The following ERCC6L2 variants were observed in gnomAD, a reference collection of about 807,000 sequenced individuals.
ERCC6L2 encodes the protein ERCC excision repair 6 like 2, also known as DNA excision repair protein ERCC-6-like 2.
ERCC6L2 carries 77 observed loss-of-function variants against 132.0 expected under a neutral mutation model. The observed-to-expected ratio is 0.58, with a 90% confidence interval of 0.49 to 0.71. The LOEUF (loss-of-function observed/expected upper bound fraction) is 0.71, where lower values mean the gene tolerates loss of function less well. Among genes scored for constraint, ERCC6L2 ranks in the 30% least tolerant of loss-of-function variants. The probability of loss-of-function intolerance (pLI) is 0.00; values close to 1 mark genes in which losing one functional copy is unlikely to be tolerated. For synonymous variants in ERCC6L2, 583 were observed against 632.4 expected (o/e 0.92, Z 1.17); for missense variants, 1,542 against 1,837.6 (o/e 0.84, Z 2.94).
chr9:96,034,308 G>A (rs367988314), intron 19 of ERCC6L2, among the ~76,000 whole-genome samples: 1 of 152,178 alleles, frequency 6.6e-6, no homozygotes, highest in Non-Finnish European at 1.5e-5. Flanking sequence ...TGTGGATGTC[G>A]GAGGAAACTG....
At chr9:95,905,637 G>A (rs1440241033) in intron 3 of ERCC6L2, among the ~76,000 whole-genome samples, 4 of 152,134 alleles carry the variant, frequency 2.6e-5, no homozygotes, top group African/African-American at 7.2e-5. Context: ...CCCAAAGGAC[G>A]GACATACTTG....
intron 19 of ERCC6L2, among the ~76,000 whole-genome samples, chr9:96,030,559 G>T (rs767697221): frequency 6.6e-6 from 1 of 152,002 alleles, no homozygotes; most frequent in Non-Finnish European, 1.5e-5. Flanking sequence ...AAAATTAGCC[G>T]GGCGTGGTGG....
At chr9:95,997,303 TA>T (rs1315360999) in intron 17 of ERCC6L2, among the ~76,000 whole-genome samples, 2 of 152,202 alleles carry the variant, frequency 1.3e-5, no homozygotes, top group African/African-American at 2.4e-5. Flanking sequence ...TTCAAGACTT[TA>T]GTGGGGGAAC....
chr9:95,928,351 GAT>G (rs577678202), intron 10 of ERCC6L2: 8 of 447,718 alleles, frequency 1.8e-5, no homozygotes, highest in Non-Finnish European at 3.1e-5. Flanking sequence ...CAAACTCAAA[GAT>G]AGATTTTTAT....
At chr9:95,947,779 T>C (rs1331662607) in intron 12 of ERCC6L2, among the ~76,000 whole-genome samples, 1 of 152,232 alleles carries the variant, frequency 6.6e-6, no homozygotes, top group Non-Finnish European at 1.5e-5. Flanking sequence ...CTACTCTGCC[T>C]GTGCTTTGTA....
rs139286981 is a variant in ERCC6L2, at chr9:95,876,059, G to T, written c.21G>T (p.Gln7His). ...GCCGGATGGATCCGTCGGCGCCACA[G>T]CCCCGCGCGGAAACCTCAGGCAAAG... MDPSAP[Q>H]PRAETSGKDI... is the part of the protein sequence containing the mutation. The change falls in exon 1 of 19, where the codon CAG becomes CAT. Residue 7 changes from glutamine to histidine, a missense_variant. This residue lies in a region of ERCC6L2 where 153 missense variants were observed against 132.3 expected (regional missense o/e 1.16). Coordinates refer to ENST00000653738, the MANE Select transcript of ERCC6L2 (RefSeq NM_020207.7). 1 of 1,585,052 alleles carries T rather than the reference G, an allele frequency of 6.3e-7. No homozygotes were observed. Among genetic ancestry groups the T allele is most frequent in the South Asian group, 1.2e-5 (1 of 86,864 alleles).
At chr9:95,952,925 T>G in intron 12 of ERCC6L2, among the ~76,000 whole-genome samples, 1 of 152,172 alleles carries the variant, frequency 6.6e-6, no homozygotes, top group East Asian at 1.9e-4. Flanking sequence ...GTGTCATGAT[T>G]GAATTGTTTT....
In ERCC6L2 at chr9:95,899,631, T is replaced by C. The variant is rs748037349; in HGVS notation, c.594+1660T>C. Among the ~76,000 whole-genome samples, 376 of 134,514 alleles carry C rather than the reference T, an allele frequency of 2.8e-3. 1 individual carries two copies. The highest frequency in any genetic ancestry group is 8.1e-3 in the South Asian group (34 of 4,222). 88.2% of individuals were successfully genotyped at this position (134,514 alleles called of 152,430 possible). On this transcript the variant is annotated intron_variant, in intron 3 of 18. Transcript: ENST00000653738. ...GTGTGTGTGTGTGTGTGTGTGTGTG[T>C]GCGTATGTATGCATATGCGATGTAT...
At chr9:95,901,258 G>T (rs1454248435) in intron 3 of ERCC6L2, among the ~76,000 whole-genome samples, 8 of 151,394 alleles carry the variant, frequency 5.3e-5, no homozygotes. Context: ...TTTTTTCCTT[G>T]GAAAGGATTT....
Position 95,978,212 on chromosome 9 carries a change from T to G in ERCC6L2, c.3489T>G (p.Ser1163=). Reference sequence around the variant, plus strand: ...CTGCTAACATAGCTGTTTGCAGTTCTAAGGTAAGAAAAATATAGGGTAGTA... The same window carrying G: ...CTGCTAACATAGCTGTTTGCAGTTCGAAGGTAAGAAAAATATAGGGTAGTA... ...QLPANIAVCS[S]KTYKEKVDAD... The change falls in exon 17 of 19, where the codon TCT becomes TCG. Residue 1163 remains serine (S), a synonymous_variant. Coordinates refer to ENST00000653738, the MANE Select transcript of ERCC6L2 (RefSeq NM_020207.7). 2.9e-6 allele frequency: 4 copies of G among 1,362,236 alleles called. No homozygotes were observed. Among genetic ancestry groups the G allele is most frequent in the Middle Eastern group, 2.1e-4 (1 of 4,742 alleles). 84.4% of individuals were successfully genotyped at this position (1,362,236 alleles called of 1,614,324 possible).
chr9:96,030,337 C>T (rs1016063092), intron 19 of ERCC6L2, among the ~76,000 whole-genome samples: 3 of 152,130 alleles, frequency 2.0e-5, no homozygotes, highest in Non-Finnish European at 2.9e-5. Context: ...GGGTTCCCTT[C>T]CATGCTGTGG....
intron 2 of ERCC6L2, among the ~76,000 whole-genome samples, chr9:95,891,333 A>C (rs1481150718): frequency 6.6e-6 from 1 of 152,188 alleles, no homozygotes; most frequent in Non-Finnish European, 1.5e-5. Context: ...TAATACACAA[A>C]CGCATTCTTA....
At chr9:96,005,184 G>A (rs1432676486) in intron 18 of ERCC6L2, among the ~76,000 whole-genome samples, 2 of 152,036 alleles carry the variant, frequency 1.3e-5, no homozygotes, top group Admixed American at 6.5e-5. Flanking sequence ...GTGGTGGCGG[G>A]CACCTGTAGT....
chr9:95,881,430 T>A, intron 2 of ERCC6L2, 137 bp downstream of exon 2: 1 of 593,694 alleles, frequency 1.7e-6, no homozygotes, highest in Non-Finnish European at 2.6e-6. Context: ...TCTCACTAAC[T>A]AGATAGTGAA....
At chr9:96,036,836 G>A (rs540537388) in intron 19 of ERCC6L2, among the ~76,000 whole-genome samples, 1 of 146,172 alleles carries the variant, frequency 6.8e-6, no homozygotes, top group Non-Finnish European at 1.5e-5. Context: ...GCGGGATCTC[G>A]GCTCACTGCA....
At chr9:95,934,373 C>T (rs1830468886) in intron 11 of ERCC6L2, among the ~76,000 whole-genome samples, 1 of 151,508 alleles carries the variant, frequency 6.6e-6, no homozygotes, top group Admixed American at 6.6e-5. Context: ...TTCAGTTTTG[C>T]CAAAAGTTTC....
chr9:95,944,892 A>G (rs1195229299), intron 12 of ERCC6L2, among the ~76,000 whole-genome samples: 1 of 152,170 alleles, frequency 6.6e-6, no homozygotes, highest in Non-Finnish European at 1.5e-5. Flanking sequence ...CACATCCTTC[A>G]CAAGGTAATA....
chr9:95,970,772 A>T, intron 15 of ERCC6L2, 116 bp downstream of exon 15: 1 of 581,992 alleles, frequency 1.7e-6, no homozygotes, highest in Non-Finnish European at 2.5e-6. Context: ...ATTAAGAGTC[A>T]AGGACACAAA....
At chr9:95,942,404 A>G (rs1830847543) in intron 12 of ERCC6L2, among the ~76,000 whole-genome samples, 1 of 152,180 alleles carries the variant, frequency 6.6e-6, no homozygotes. Context: ...TAAAATAAGA[A>G]TAGGATGCCA....
Sources: gnomAD v4.1 joint callset for allele counts (sites outside exome capture counted in the v4.1 genomes callset) on GRCh38, gnomAD v4.1.1 for gene constraint, gnomAD v4.1.1 regional missense constraint, MANE v1.5 for transcripts, NCBI Gene and HGNC (gene_info 2026-07-23, HGNC 2026-07-21) for gene names.